CKAP2: variants seen among roughly 807,000 people sequenced by gnomAD.
CKAP2 encodes cytoskeleton associated protein 2.
Under a neutral mutation model 58.4 loss-of-function variants are expected in CKAP2, and 46 were observed. The observed-to-expected ratio is 0.79, with a 90% CI of 0.62 to 1.01. CKAP2 has a LOEUF of 1.01. Among genes scored for constraint, CKAP2 ranks in the 50% least tolerant of loss-of-function variants. The pLI is 0.00. For synonymous variants in CKAP2, 293 were observed against 280.9 expected, an observed-to-expected ratio of 1.04 and a Z score of -0.43; for missense variants, 809 against 796.4, an observed-to-expected ratio of 1.02 and a Z score of -0.19.
chr13:52,465,942 T>TACACACATATATATAC (rs140607775), intron 6 of CKAP2: 3 of 206,032 alleles, frequency 1.5e-5, no homozygotes, highest in South Asian at 3.5e-5. Context: ...CACATATATA[T>TACACACATATATATAC]ACACATATAT....
intron 8 of CKAP2, 124 bp downstream of exon 8, chr13:52,474,208 G>T (rs975609450): frequency 6.2e-6 from 6 of 965,252 alleles, no homozygotes; most frequent in Non-Finnish European, 9.0e-6. Flanking sequence ...ATTTCAGTAC[G>T]GGCATGGTGG....
rs1468247081 is a variant in CKAP2, at chr13:52,475,773, C to T, written c.*632C>T. 1 of 152,132 alleles carries T rather than the reference C, an allele frequency of 6.6e-6. No homozygotes were observed. Among genetic ancestry groups the T allele is most frequent in the South Asian group, 2.1e-4 (1 of 4,826 alleles). 9.4% of individuals were successfully genotyped at this position (152,132 alleles called of 1,614,324 possible). On this transcript the variant is annotated 3_prime_UTR_variant, in exon 9 of 9. Transcript: ENST00000258607. ...TCGTCAGTAGTCTGTAGTTTCGTGG[C>T]CTCTTTTGATTATAACTGGGGTCAC...
rs1958788189 is a variant in CKAP2, at chr13:52,473,612, C to A, written c.1547-217C>A. On this transcript the variant is annotated intron_variant, in intron 7 of 8. Coordinates refer to ENST00000258607, the MANE Select transcript of CKAP2 (RefSeq NM_018204.5). ...GTTTCTTTTTGTGGGTTTTAATAATCCTTTGTTCTTATTTCATATATAGCA... is the reference window on the plus strand; with the variant it reads ...GTTTCTTTTTGTGGGTTTTAATAATACTTTGTTCTTATTTCATATATAGCA... 4 of 444,162 alleles carry A rather than the reference C, an allele frequency of 9.0e-6. No homozygotes were observed. The South Asian group carries it at 1.4e-4, about 15-fold the overall frequency. The allele number at this position is 444,162 out of a possible 1,614,324, so 27.5% of individuals were successfully genotyped here.
rs189714251 is a variant in CKAP2, at chr13:52,458,659, T to G, written c.155+2052T>G. Among the ~76,000 whole-genome samples, 792 of 152,222 alleles carry G rather than the reference T, an allele frequency of 5.2e-3. 29 individuals carry two copies. The highest frequency in any genetic ancestry group is 0.045 in the Admixed American group (688 of 15,278). ...GGGTGTATCACTTGAGGTCAAGAGT[T>G]CTAGACCAGCCTGGCCAACATGGTG... On this transcript the variant is annotated intron_variant, in intron 2 of 8. Coordinates refer to ENST00000258607, the MANE Select transcript of CKAP2 (RefSeq NM_018204.5).
intron 1 of CKAP2, chr13:52,456,134 C>T: frequency 9.7e-7 from 1 of 1,026,074 alleles, no homozygotes; most frequent in Non-Finnish European, 1.2e-6. Flanking sequence ...CCTTATTCTA[C>T]ACACGGGAAA....
chr13:52,460,861 G>C, intron 2 of CKAP2, 38 bp from the exon 3 acceptor site: 1 of 1,581,156 alleles, frequency 6.3e-7, no homozygotes, highest in Non-Finnish European at 8.7e-7. Flanking sequence ...CCTTGGTACA[G>C]GATTGATTGA....
intron 2 of CKAP2, among the ~76,000 whole-genome samples, 170 bp downstream of exon 2, chr13:52,456,777 G>T (rs1958490133): frequency 6.6e-6 from 1 of 152,062 alleles, no homozygotes; most frequent in Admixed American, 6.5e-5. Context: ...TTAAAATCTG[G>T]TGTCTATTTT....
chr13:52,455,900 C>T, intron 1 of CKAP2: 1 of 1,114,560 alleles, frequency 9.0e-7, no homozygotes, highest in Non-Finnish European at 1.1e-6. Context: ...AACGCGCGGG[C>T]CTCAGGCCGG....
intron 6 of CKAP2, among the ~76,000 whole-genome samples, chr13:52,465,998 TATATATACACACATACAC>T (rs1050027367): frequency 6.6e-6 from 1 of 150,852 alleles, no homozygotes; most frequent in Non-Finnish European, 1.5e-5. Flanking sequence ...TATGCACACA[TATATATACACACATACAC>T]ATATATACAC....
chr13:52,469,060 G>A (rs971083139), intron 7 of CKAP2, among the ~76,000 whole-genome samples: 5 of 152,126 alleles, frequency 3.3e-5, no homozygotes, highest in African/African-American at 1.2e-4. Flanking sequence ...GCCTTTTAAG[G>A]ATAGCCATTC....
chr13:52,471,516 A>G (rs1222882870), intron 7 of CKAP2, among the ~76,000 whole-genome samples: 1 of 152,166 alleles, frequency 6.6e-6, no homozygotes, highest in African/African-American at 2.4e-5. Flanking sequence ...GTTAAAAAAA[A>G]AAAAAGGACA....
intron 5 of CKAP2, among the ~76,000 whole-genome samples, chr13:52,463,775 A>G (rs1258279630): frequency 6.6e-6 from 1 of 152,206 alleles, no homozygotes; most frequent in African/African-American, 2.4e-5. Context: ...CATCTGCCTC[A>G]TTAGCAATGG....
At chr13:52,455,957 G>C (rs1958472324) in intron 1 of CKAP2, 1 of 1,128,136 alleles carries the variant, frequency 8.9e-7, no homozygotes, top group Non-Finnish European at 1.1e-6. Flanking sequence ...GGGCTGCACA[G>C]GTTCAGGGAC....
chr13:52,456,671 TA>T, intron 2 of CKAP2, 64 bp downstream of exon 2: 1 of 1,250,224 alleles, frequency 8.0e-7, no homozygotes. Flanking sequence ...AATGAAAATG[TA>T]AAGTAAGCCA....
chr13:52,474,238 C>T lies in CKAP2; in HGVS notation c.1802+154C>T, dbSNP rs556515245. 9.9e-5 allele frequency among the ~76,000 whole-genome samples: 15 copies of T among 152,244 alleles called. No individual in the cohort carries two copies. The South Asian group carries it at 3.1e-3, about 32-fold the overall frequency. ...TGGTGGCTCACGCCTGTAATTTCAG[C>T]ACTTTGGGAGGCCGAAGCAGACAGA... On this transcript the variant is annotated intron_variant, in intron 8 of 8. Coordinates refer to ENST00000258607, the MANE Select transcript of CKAP2 (RefSeq NM_018204.5).
intron 1 of CKAP2, 90 bp from the exon 2 acceptor site, chr13:52,456,433 A>T: frequency 9.5e-7 from 1 of 1,056,628 alleles, no homozygotes; most frequent in Non-Finnish European, 1.4e-6. Flanking sequence ...CAGCTTTGGA[A>T]GTAAACTCTT....
chr13:52,456,659 C>A (rs1844221472), intron 2 of CKAP2, 52 bp downstream of exon 2: 5 of 1,369,380 alleles, frequency 3.7e-6, no homozygotes, highest in Middle Eastern at 3.7e-4. Context: ...TCAGATCTGT[C>A]CAATGAAAAT....
Position 52,474,990 on chromosome 13 carries a change from A to C in CKAP2, c.1898A>C (p.Lys633Thr), listed in dbSNP as rs770241812. The C allele has an allele frequency of 1.5e-5, 24 of 1,614,210 alleles. 1 individual carries two copies. In the South Asian group the frequency reaches 2.6e-4, roughly 18 times the overall value. ...AGACGTTCTCGACGTCTTCAAGAGAAAACTTCTAAATTGCCAGATATGTTA... is the reference window on the plus strand; with the variant it reads ...AGACGTTCTCGACGTCTTCAAGAGACAACTTCTAAATTGCCAGATATGTTA... Reference protein sequence around the residue: ...PVRRSRRLQEKTSKLPDMLKD... With the variant: ...PVRRSRRLQETTSKLPDMLKD... The change falls in exon 9 of 9, where the codon AAA becomes ACA. Residue 633 changes from lysine to threonine, a missense_variant. This residue lies in a region of CKAP2 where 283 missense variants were observed against 287.6 expected (regional missense o/e 0.98). Transcript: ENST00000258607.
chr13:52,465,454 G>A lies in CKAP2; in HGVS notation c.1465G>A (p.Ala489Thr), dbSNP rs749653423. The stretch of plus-strand genomic sequence containing the variant: ...TGCAATCTATGAGAAAGCCATTCTG[G>A]CAGGGGCTCAGGTAAGATAAAAATT... The part of the protein sequence containing the change: ...IIAIYEKAIL[A>T]GAQPIEEMRH... Residue 489 changes from alanine to threonine, a missense_variant, in exon 6 of 9, where the codon GCA (alanine) becomes ACA (threonine). By Grantham distance (58) the Ala-to-Thr change is moderately conservative. Around this residue, in one of 3 missense-constraint regions of CKAP2, gnomAD observed 283 missense variants for 287.6 expected, o/e 0.98. Coordinates refer to ENST00000258607, the MANE Select transcript of CKAP2 (RefSeq NM_018204.5). The A allele has an allele frequency of 8.1e-6, 13 of 1,612,988 alleles. No individual in the cohort carries two copies. Among genetic ancestry groups the A allele is most frequent in the Admixed American group, 6.7e-5 (4 of 59,954 alleles).
Sources: allele counts gnomAD v4.1 joint callset (sites outside exome capture counted in the v4.1 genomes callset), GRCh38; gene constraint gnomAD v4.1.1; regional missense constraint gnomAD v4.1.1; transcripts MANE v1.5; gene names NCBI Gene and HGNC (gene_info 2026-07-23, HGNC 2026-07-21).